Variants in MYO16 observed in about 807,000 individuals in gnomAD.
The protein encoded by MYO16 is unconventional myosin-XVI.
MYO16 carries 94 observed loss-of-function variants against 205.3 expected under a neutral mutation model. The observed-to-expected ratio is 0.46, with a 90% CI of 0.39 to 0.54. MYO16 has a LOEUF of 0.54. Among genes scored for constraint, MYO16 ranks in the 20% least tolerant of loss-of-function variants. The pLI, the probability that MYO16 is intolerant of heterozygous loss-of-function variation, is 0.00. For missense variants in MYO16, 2,315 were observed against 2,387.5 expected, an observed-to-expected ratio of 0.97 and a Z score of 0.63; for synonymous variants, 988 against 954.0, an observed-to-expected ratio of 1.04 and a Z score of -0.66.
At chr13:109,018,969 T>TG (rs1885927162) in intron 22 of MYO16, among the ~76,000 whole-genome samples, 1 of 149,980 alleles carries the variant, frequency 6.7e-6, no homozygotes, top group Non-Finnish European at 1.5e-5. Flanking sequence ...TCTGTTTTTT[T>TG]TTTTGTTTTT....
chr13:108,532,313 GT>G, the MYO16 span, among the ~76,000 whole-genome samples: 11 of 151,968 alleles, frequency 7.2e-5, no homozygotes, highest in African/African-American at 2.7e-4. Flanking sequence ...CCCACTATGT[GT>G]TTAAGTCAAA....
At chr13:108,990,068 G>T (rs1271396793) in intron 20 of MYO16, among the ~76,000 whole-genome samples, 1 of 151,606 alleles carries the variant, frequency 6.6e-6, no homozygotes, top group Non-Finnish European at 1.5e-5. Flanking sequence ...CCTACCCCAA[G>T]ACTGAACATC....
At chr13:108,656,179 G>A (rs1355970526) in intron 1 of MYO16, among the ~76,000 whole-genome samples, 2 of 152,132 alleles carry the variant, frequency 1.3e-5, no homozygotes, top group Non-Finnish European at 2.9e-5. Context: ...CCCACATGTT[G>A]TGGGAGGCAC....
intron 2 of MYO16, among the ~76,000 whole-genome samples, chr13:108,683,322 A>T (rs919322465): frequency 6.8e-6 from 1 of 147,464 alleles, no homozygotes; most frequent in Non-Finnish European, 1.5e-5. Context: ...TGACAGGCTC[A>T]CAGGAGAAGC....
chr13:108,549,601 A>G, the MYO16 span, among the ~76,000 whole-genome samples: 1 of 152,070 alleles, frequency 6.6e-6, no homozygotes, highest in Non-Finnish European at 1.5e-5. Flanking sequence ...GAAAGATAGA[A>G]TGAAGCTTAT....
intron 4 of MYO16, among the ~76,000 whole-genome samples, chr13:108,733,638 T>G (rs532287765): frequency 6.6e-6 from 1 of 152,320 alleles, no homozygotes; most frequent in East Asian, 1.9e-4. Flanking sequence ...AACTTGATTA[T>G]TTAAAATTGG....
intron 16 of MYO16, among the ~76,000 whole-genome samples, chr13:108,950,982 C>T (rs997762482): frequency 6.6e-6 from 1 of 152,050 alleles, no homozygotes; most frequent in African/African-American, 2.4e-5. Flanking sequence ...GTATTGAGAA[C>T]TTTATAAACT....
At chr13:108,997,415 GGAAAGGAAA>G (rs1885064519) in intron 21 of MYO16, among the ~76,000 whole-genome samples, 1 of 117,692 alleles carries the variant, frequency 8.5e-6, no homozygotes, top group South Asian at 2.9e-4. Context: ...TGGGAGGAAA[GGAAAGGAAA>G]GGAAAGGAAA....
chr13:108,667,322 T>TTTG (rs1555337002), intron 2 of MYO16, among the ~76,000 whole-genome samples: 20 of 141,430 alleles, frequency 1.4e-4, no homozygotes, highest in African/African-American at 4.8e-4. Flanking sequence ...TCTGTTTTGT[T>TTTG]TTTTTTTTTT....
At chr13:108,681,762 T>C (rs1440561381) in intron 2 of MYO16, among the ~76,000 whole-genome samples, 1 of 152,186 alleles carries the variant, frequency 6.6e-6, no homozygotes, top group East Asian at 1.9e-4. Flanking sequence ...ATGTTTCTCT[T>C]TTATGTTTCT....
chr13:108,591,928 G>A (rs61971794), upstream of MYO16, among the ~76,000 whole-genome samples: 34,807 of 151,768 alleles, frequency 0.23, 4,305 homozygotes, highest in East Asian at 0.39. Flanking sequence ...CTTTTCTAGC[G>A]TGGAGACTAA....
chr13:109,158,275 C>A (rs1878177461), intron 32 of MYO16, among the ~76,000 whole-genome samples: 1 of 152,132 alleles, frequency 6.6e-6, no homozygotes, highest in South Asian at 2.1e-4. Flanking sequence ...CCAGCTCTCC[C>A]AGAATTATTC....
chr13:108,927,686 G>A (rs977156340), intron 16 of MYO16, among the ~76,000 whole-genome samples: 5 of 152,240 alleles, frequency 3.3e-5, no homozygotes, highest in South Asian at 2.1e-4. Context: ...AATGCCAAGC[G>A]GACGGACAGA....
intron 9 of MYO16, among the ~76,000 whole-genome samples, chr13:108,838,998 G>C (rs935149757): frequency 1.3e-5 from 2 of 151,958 alleles, no homozygotes; most frequent in African/African-American, 2.4e-5. Context: ...CCTATAACAG[G>C]ATACCTAAAA....
intron 12 of MYO16, among the ~76,000 whole-genome samples, chr13:108,868,171 G>C (rs115623750): frequency 2.0e-5 from 3 of 152,048 alleles, no homozygotes; most frequent in African/African-American, 7.2e-5. Flanking sequence ...GGAAAGAGTG[G>C]AATTGGTACA....
At chr13:108,632,977 T>C (rs1221138201) in intron 1 of MYO16, among the ~76,000 whole-genome samples, 1 of 152,148 alleles carries the variant, frequency 6.6e-6, no homozygotes, top group East Asian at 1.9e-4. Flanking sequence ...TTCACGTGCC[T>C]CTGGGGGTGA....
chr13:109,081,890 A>C (rs1888290085), intron 27 of MYO16, among the ~76,000 whole-genome samples: 1 of 152,222 alleles, frequency 6.6e-6, no homozygotes. Context: ...AAGCTAGATC[A>C]GGGGTTGGCA....
At position 108,727,702 on chromosome 13, in the gene MYO16, A is replaced by T; in HGVS notation, c.507+119A>T. 3.6e-6 allele frequency: 4 copies of T among 1,096,904 alleles called. No individual in the cohort carries two copies. The South Asian group carries it at 6.5e-5, about 18-fold the overall frequency. The allele number at this position is 1,096,904 out of a possible 1,614,324, so 67.9% of individuals were successfully genotyped here. On this transcript the variant is annotated intron_variant, in intron 4 of 34. Transcript: ENST00000457511. ...TGGTTGAGAAAAATCTGCATATGTTATCATGTATCTCCCTAGAACACAAGA... is the reference window on the plus strand; with the variant it reads ...TGGTTGAGAAAAATCTGCATATGTTTTCATGTATCTCCCTAGAACACAAGA...
chr13:108,986,975 G>A lies in MYO16; in HGVS notation c.2370-5401G>A, dbSNP rs1017402065. ...GCTTACTTCACCATTCTGTATCTCA[G>A]TATTCCCTAGGATTAAATGAGGAGA... is the stretch of plus-strand genomic sequence containing the variant. On this transcript the variant is annotated intron_variant, in intron 20 of 34. Transcript: ENST00000457511. Among the ~76,000 whole-genome samples the A allele has an allele frequency of 2.0e-5, 3 of 152,176 alleles. No individual in the cohort carries two copies. In the South Asian group the frequency reaches 6.2e-4, roughly 32 times the overall value.
Sources: allele counts gnomAD v4.1 joint callset (sites outside exome capture counted in the v4.1 genomes callset), GRCh38; gene constraint gnomAD v4.1.1; transcripts MANE v1.5; gene names NCBI Gene and HGNC (gene_info 2026-07-23, HGNC 2026-07-21).